Variants in TBCD observed in about 807,000 individuals in gnomAD.
The protein encoded by TBCD is tubulin folding cofactor D.
A neutral mutation model predicts 169.3 loss-of-function variants in TBCD; 105 were observed. The ratio of observed to expected loss-of-function variants is 0.62; its 90% confidence interval spans 0.53 to 0.73. The LOEUF is 0.73. Among genes scored for constraint, TBCD ranks in the 30% least tolerant of loss-of-function variants. The probability of loss-of-function intolerance (pLI) is 0.00; values close to 1 mark genes in which losing one functional copy is unlikely to be tolerated. For missense variants in TBCD, 1,444 were observed against 1,600.1 expected, an observed-to-expected ratio of 0.90 and a Z score of 1.66; for synonymous variants, 700 against 643.9, an observed-to-expected ratio of 1.09 and a Z score of -1.32.
At chr17:82,878,779 G>C (rs1174758237) in intron 14 of TBCD, among the ~76,000 whole-genome samples, 1 of 152,180 alleles carries the variant, frequency 6.6e-6, no homozygotes, top group Non-Finnish European at 1.5e-5. Flanking sequence ...ACCTTGTTGT[G>C]TGGTCTGGTG....
chr17:82,772,574 G>A (rs2048361977), intron 6 of TBCD, 67 bp downstream of exon 6: 13 of 1,516,298 alleles, frequency 8.6e-6, no homozygotes, highest in South Asian at 3.4e-5. Context: ...GTTTGGGTAC[G>A]TGTTTCATGT....
chr17:82,783,619 G>A (rs1168471920), intron 7 of TBCD, among the ~76,000 whole-genome samples: 37 of 152,188 alleles, frequency 2.4e-4, no homozygotes, highest in Admixed American at 2.3e-3. Flanking sequence ...AGCCTTTTGC[G>A]TCTGGCCTTC....
intron 22 of TBCD, among the ~76,000 whole-genome samples, chr17:82,911,044 T>A (rs922394620): frequency 6.6e-5 from 10 of 152,188 alleles, no homozygotes; most frequent in Admixed American, 2.0e-4. Flanking sequence ...CGGGTGGCCC[T>A]GTTTGGGCTC....
At chr17:82,928,431 C>A (rs560730708) in intron 30 of TBCD, among the ~76,000 whole-genome samples, 1 of 152,106 alleles carries the variant, frequency 6.6e-6, no homozygotes, top group African/African-American at 2.4e-5. Context: ...GTGTCTCTGT[C>A]GGGGGCACGG....
At chr17:82,781,112 T>G (rs1441223014) in intron 6 of TBCD, among the ~76,000 whole-genome samples, 1 of 151,738 alleles carries the variant, frequency 6.6e-6, no homozygotes, top group Non-Finnish European at 1.5e-5. Context: ...AACAGGCCTG[T>G]GCACAAGACG....
At chr17:82,809,146 G>T (rs1356936184) in intron 11 of TBCD, among the ~76,000 whole-genome samples, 1 of 152,114 alleles carries the variant, frequency 6.6e-6, no homozygotes, top group Non-Finnish European at 1.5e-5. Context: ...GCCTCGTCTG[G>T]TTGGGTGTGA....
At chr17:82,888,504 C>T (rs2058907808) in intron 15 of TBCD, among the ~76,000 whole-genome samples, 2 of 152,234 alleles carry the variant, frequency 1.3e-5, no homozygotes, top group Admixed American at 6.5e-5. Context: ...TTGTTTCTTA[C>T]TTTCCTAATG....
Position 82,929,224 on chromosome 17 carries a change from C to G in TBCD, c.2805C>G (p.Pro935=). The change falls in exon 31 of 39, where the codon CCC becomes CCG. Residue 935 remains proline, a synonymous_variant. Coordinates refer to ENST00000355528, the MANE Select transcript of TBCD (RefSeq NM_005993.5). The part of the protein sequence containing the change: ...FLTLLHFDSP[P]IPHVPHRGEL... ...CGCTCCTGCACTTTGACAGCCCTCC[C>G]ATCCCCCACGTGCCCCACCGAGGAG... 1 of 1,613,906 alleles carries G rather than the reference C, an allele frequency of 6.2e-7. No homozygotes were observed. The highest frequency in any genetic ancestry group is 8.5e-7 in the Non-Finnish European group (1 of 1,179,870).
chr17:82,897,625 G>A (rs1017118313), intron 17 of TBCD, among the ~76,000 whole-genome samples: 25 of 152,214 alleles, frequency 1.6e-4, no homozygotes, highest in African/African-American at 6.0e-4. Flanking sequence ...TGTGGCAGCG[G>A]GTTTGGCAGA....
chr17:82,895,112 C>G (rs955723733), intron 17 of TBCD, among the ~76,000 whole-genome samples: 18 of 152,232 alleles, frequency 1.2e-4, no homozygotes, highest in African/African-American at 4.1e-4. Context: ...TAGCTGTGTG[C>G]GTTTTATAAA....
rs1276869308 is a variant in TBCD, at chr17:82,903,394, C to G, written c.1731-11C>G. 6.3e-6 allele frequency: 10 copies of G among 1,597,476 alleles called. No homozygotes were observed. Among genetic ancestry groups the G allele is most frequent in the Middle Eastern group, 1.7e-4 (1 of 6,056 alleles). ...ATGAAGGCACTTACGACATTCTCTCCTCACTCTCAGGGTCATCCGAGAGTT... is the reference window on the plus strand; with the variant it reads ...ATGAAGGCACTTACGACATTCTCTCGTCACTCTCAGGGTCATCCGAGAGTT... On this transcript the variant is annotated splice_polypyrimidine_tract_variant and intron_variant, in intron 18 of 38. Transcript: ENST00000355528. The surrounding 1 kb of genome is among the most constrained non-coding windows in gnomAD (Gnocchi z 4.8).
In TBCD at chr17:82,900,948, C is replaced by T. The variant is rs894261952; in HGVS notation, c.1730+217C>T. 4.6e-5 allele frequency among the ~76,000 whole-genome samples: 7 copies of T among 152,262 alleles called. No homozygotes were observed. In the East Asian group the frequency reaches 7.7e-4, roughly 17 times the overall value. Reference sequence around the variant, plus strand: ...GGAGCGCCTGGTCCAGTGTGTCCGACGTGGCGGTGTACCCGTGCAAATGTC... The same window carrying T: ...GGAGCGCCTGGTCCAGTGTGTCCGATGTGGCGGTGTACCCGTGCAAATGTC... On this transcript the variant is annotated intron_variant, in intron 18 of 38. Transcript: ENST00000355528.
At chr17:82,784,917 G>A (rs375468707) in intron 7 of TBCD, among the ~76,000 whole-genome samples, 2 of 152,188 alleles carry the variant, frequency 1.3e-5, no homozygotes, top group African/African-American at 4.8e-5. Context: ...AAGACCACTG[G>A]ACCCGACCCA....
rs2060968183 is a variant in TBCD at position 82,915,545 on chromosome 17, G to A, written c.2038+3756G>A. 6.6e-6 allele frequency among the ~76,000 whole-genome samples: 1 copy of A among 152,200 alleles called. No individual in the cohort carries two copies. On this transcript the variant is annotated intron_variant, in intron 23 of 38. Coordinates refer to ENST00000355528, the MANE Select transcript of TBCD (RefSeq NM_005993.5). The surrounding 1 kb of genome is among the most constrained non-coding windows in gnomAD (Gnocchi z 4.3). ...GCTTTAGAATCAAAGGAAAGAAACA[G>A]GAACTCTGTTTAGTGAAGCAGCGAT...
chr17:82,823,808 C>T (rs892483667), intron 13 of TBCD, among the ~76,000 whole-genome samples: 1 of 152,034 alleles, frequency 6.6e-6, no homozygotes, highest in Non-Finnish European at 1.5e-5. Context: ...CAAATTTGCT[C>T]TTTTTATTAT....
rs929581806 is a variant in TBCD at position 82,889,571 on chromosome 17, G to C, written c.1534-97G>C. ...GGGCTTTTATTTAAAAAATAAAGCC[G>C]TGGGTCATTCACGTTGTGCTGTTTG... On this transcript the variant is annotated intron_variant, in intron 15 of 38. Coordinates refer to ENST00000355528, the MANE Select transcript of TBCD (RefSeq NM_005993.5). The surrounding 1 kb of genome is among the most constrained non-coding windows in gnomAD (Gnocchi z 5.3). 10 of 1,448,234 alleles carry C rather than the reference G, an allele frequency of 6.9e-6. No homozygotes were observed. In the Admixed American group the frequency reaches 1.8e-4, roughly 26 times the overall value. 89.7% of individuals were successfully genotyped at this position (1,448,234 alleles called of 1,614,324 possible).
rs985891194 is a variant in TBCD at position 82,781,825 on chromosome 17, C to T, written c.771+104C>T. 25 of 1,519,240 alleles carry T rather than the reference C, an allele frequency of 1.6e-5. No homozygotes were observed. In the East Asian group the frequency reaches 5.7e-4, roughly 34 times the overall value. 94.1% of individuals were successfully genotyped at this position (1,519,240 alleles called of 1,614,324 possible). A position where few individuals can be genotyped will look rare whatever the true frequency, so the allele number is the denominator to read the frequency against. The stretch of plus-strand genomic sequence containing the variant: ...TGATTCCATCTTGACGTAATTGGAA[C>T]CCCGTGGGATTGATTTAACCGGGCC... On this transcript the variant is annotated intron_variant, in intron 7 of 38. Transcript: ENST00000355528.
At chr17:82,891,627 A>G (rs188401953) in intron 16 of TBCD, among the ~76,000 whole-genome samples, 10 of 152,350 alleles carry the variant, frequency 6.6e-5, no homozygotes, top group African/African-American at 2.2e-4. Flanking sequence ...GAAGCAGCCT[A>G]AAAACCCTCG....
At chr17:82,934,836 C>T (rs373448219) in intron 34 of TBCD, among the ~76,000 whole-genome samples, 12 of 152,226 alleles carry the variant, frequency 7.9e-5, no homozygotes, top group African/African-American at 2.6e-4. Context: ...CCATGGCTCA[C>T]GCCTGTAATC....
Sources: allele counts gnomAD v4.1 joint callset (sites outside exome capture counted in the v4.1 genomes callset), GRCh38; gene constraint gnomAD v4.1.1; non-coding constraint Gnocchi (gnomAD v3.1); transcripts MANE v1.5; gene names NCBI Gene and HGNC (gene_info 2026-07-23, HGNC 2026-07-21).